RAB39A: variants seen among roughly 807,000 people sequenced by gnomAD.
RAB39A encodes ras-related protein Rab-39A.
A neutral mutation model predicts 20.9 loss-of-function variants in RAB39A; 17 were observed. The observed-to-expected ratio is 0.81, with a 90% CI of 0.56 to 1.22. The LOEUF (loss-of-function observed/expected upper bound fraction) is 1.22. Among genes scored for constraint, RAB39A ranks in the 50% most tolerant of loss-of-function variants. The pLI is 0.00. For synonymous variants in RAB39A, 99 were observed against 103.4 expected (o/e 0.96, Z 0.26); for missense variants, 234 against 270.5 (o/e 0.87, Z 0.95).
At chr11:107,946,392 A>G (rs1271879379) in intron 1 of RAB39A, among the ~76,000 whole-genome samples, 3 of 46,782 alleles carry the variant, frequency 6.4e-5, no homozygotes, top group Admixed American at 2.5e-4. Flanking sequence ...ATGTGGGTGT[A>G]TATATGTGTG....
intron 1 of RAB39A, among the ~76,000 whole-genome samples, chr11:107,947,391 G>A (rs1262034678): frequency 6.6e-6 from 1 of 152,132 alleles, no homozygotes; most frequent in Non-Finnish European, 1.5e-5. Context: ...ACAGGTATGA[G>A]CCACCGCGCC....
chr11:107,945,126 G>A (rs965374439), intron 1 of RAB39A, among the ~76,000 whole-genome samples: 1 of 151,412 alleles, frequency 6.6e-6, no homozygotes. Context: ...GGAGGTTGCA[G>A]TGAGCCAAGA....
At chr11:107,939,566 T>C (rs1176654892) in intron 1 of RAB39A, among the ~76,000 whole-genome samples, 2 of 146,580 alleles carry the variant, frequency 1.4e-5, no homozygotes, top group Admixed American at 1.4e-4. Context: ...GCCGAGATCA[T>C]GCCACTGCAC....
chr11:107,949,406 C>T (rs958852043), intron 1 of RAB39A, among the ~76,000 whole-genome samples: 1 of 152,016 alleles, frequency 6.6e-6, no homozygotes, highest in Non-Finnish European at 1.5e-5. Context: ...GAAAAAGATT[C>T]ACATCAGTTA....
At chr11:107,957,351 G>T (rs1425136262) in intron 1 of RAB39A, among the ~76,000 whole-genome samples, 1 of 152,178 alleles carries the variant, frequency 6.6e-6, no homozygotes, top group East Asian at 1.9e-4. Flanking sequence ...TTACAACAGG[G>T]GTTGGGAAAG....
At chr11:107,947,807 C>CAAAAAAAAA (rs35694249) in intron 1 of RAB39A, among the ~76,000 whole-genome samples, 68 of 80,188 alleles carry the variant, frequency 8.5e-4, no homozygotes, top group East Asian at 2.4e-3. Flanking sequence ...CATCAACAGG[C>CAAAAAAAAA]AAAAAAAAAA....
intron 1 of RAB39A, among the ~76,000 whole-genome samples, chr11:107,957,617 G>C (rs1861450650): frequency 6.6e-6 from 1 of 152,196 alleles, no homozygotes; most frequent in Admixed American, 6.5e-5. Context: ...ACAAGCGACT[G>C]CTAGGAGCTT....
At chr11:107,929,082 C>A (rs1861112385) in intron 1 of RAB39A, among the ~76,000 whole-genome samples, 1 of 152,234 alleles carries the variant, frequency 6.6e-6, no homozygotes, top group Non-Finnish European at 1.5e-5. Flanking sequence ...TCTTCCCCAA[C>A]TCTTTCAGCC....
At chr11:107,938,333 CTGGG>C (rs1356432951) in intron 1 of RAB39A, among the ~76,000 whole-genome samples, 1 of 128,140 alleles carries the variant, frequency 7.8e-6, no homozygotes, top group Non-Finnish European at 1.6e-5. Flanking sequence ...GCACTCCAGT[CTGGG>C]CAATAGAGCA....
At chr11:107,955,648 GACCAAC>G (rs1861427223) in intron 1 of RAB39A, among the ~76,000 whole-genome samples, 1 of 152,168 alleles carries the variant, frequency 6.6e-6, no homozygotes, top group African/African-American at 2.4e-5. Context: ...AGACCAGCCT[GACCAAC>G]ATGGAGAAAT....
intron 1 of RAB39A, among the ~76,000 whole-genome samples, chr11:107,946,333 CACACACACACATATATAT>C (rs1305107927): frequency 2.2e-5 from 3 of 135,878 alleles, no homozygotes; most frequent in East Asian, 2.1e-4. Context: ...TATACACACA[CACACACACACATATATAT>C]ACACACACAC....
chr11:107,942,098 C>CAAAAAAAAAA (rs10537482), intron 1 of RAB39A, among the ~76,000 whole-genome samples: 1 of 83,762 alleles, frequency 1.2e-5, no homozygotes, highest in African/African-American at 5.0e-5. Context: ...GATTCCATCT[C>CAAAAAAAAAA]AAAAAAAAAA....
At chr11:107,942,665 G>A (rs1318371330) in intron 1 of RAB39A, among the ~76,000 whole-genome samples, 1 of 152,098 alleles carries the variant, frequency 6.6e-6, no homozygotes, top group Non-Finnish European at 1.5e-5. Flanking sequence ...GCTGTTACTT[G>A]CCCAAGGCCT....
chr11:107,958,125 C>G (rs1861457242), intron 1 of RAB39A, among the ~76,000 whole-genome samples: 1 of 152,142 alleles, frequency 6.6e-6, no homozygotes, highest in South Asian at 2.1e-4. Context: ...TTCCTGACCT[C>G]AGGTGATCTG....
At chr11:107,939,008 G>T (rs926112096) in intron 1 of RAB39A, among the ~76,000 whole-genome samples, 1 of 151,926 alleles carries the variant, frequency 6.6e-6, no homozygotes. Flanking sequence ...TTGGGAGGCC[G>T]AGGTAGGCAG....
At position 107,953,259 on chromosome 11, in the gene RAB39A, G is replaced by A. The variant is rs563187704; in HGVS notation, c.228-8687G>A. ...AAAGATATAAGAGATTTGTGAGCTT[G>A]TTTTGTACCATTTTTTTCTTACAAA... On this transcript the variant is annotated intron_variant, in intron 1 of 1. Coordinates refer to ENST00000320578, the MANE Select transcript of RAB39A (RefSeq NM_017516.3). Among the ~76,000 whole-genome samples the A allele has an allele frequency of 2.2e-3, 334 of 152,264 alleles. 4 individuals carry two copies. The highest frequency in any genetic ancestry group is 4.1e-3 in the Non-Finnish European group (280 of 68,012).
At chr11:107,935,877 C>A (rs867421942) in intron 1 of RAB39A, among the ~76,000 whole-genome samples, 163 of 145,512 alleles carry the variant, frequency 1.1e-3, no homozygotes, top group African/African-American at 3.8e-3. Context: ...TTCTGGGGAA[C>A]GCAGCCCAGC....
intron 1 of RAB39A, among the ~76,000 whole-genome samples, chr11:107,939,403 G>A (rs1861236422): frequency 1.3e-5 from 2 of 149,746 alleles, no homozygotes; most frequent in Non-Finnish European, 3.0e-5. Flanking sequence ...TCAGGAGATC[G>A]AGACCATCCT....
Position 107,930,609 on chromosome 11 carries a change from G to A in RAB39A, c.227+1814G>A, listed in dbSNP as rs569167006. Among the ~76,000 whole-genome samples, 24 of 152,254 alleles carry A rather than the reference G, an allele frequency of 1.6e-4. No homozygotes were observed. In the South Asian group the frequency reaches 4.8e-3, roughly 30 times the overall value. On this transcript the variant is annotated intron_variant, in intron 1 of 1. Coordinates refer to ENST00000320578, the MANE Select transcript of RAB39A (RefSeq NM_017516.3). ...AGGGTGGCTCACGCCTGTAATTCCA[G>A]CACTTTGGGATACTGAGGCGGGTGG...
Sources: gnomAD v4.1 joint callset for allele counts (sites outside exome capture counted in the v4.1 genomes callset) on GRCh38, gnomAD v4.1.1 for gene constraint, MANE v1.5 for transcripts, NCBI Gene and HGNC (gene_info 2026-07-23, HGNC 2026-07-21) for gene names.